The following NSF variants were observed in gnomAD, a reference collection of about 807,000 sequenced individuals.
NSF encodes N-ethylmaleimide sensitive factor, vesicle fusing ATPase, also known as vesicle-fusing ATPase.
In NSF, 14 loss-of-function variants were observed where a neutral mutation model predicts 50.3. The observed-to-expected ratio is 0.28, with a 90% CI of 0.18 to 0.44. NSF has a LOEUF of 0.44. NSF is among the 20% of genes least tolerant of loss of function. NSF has a pLI of 1.00. For synonymous variants in NSF, 109 were observed against 175.7 expected, an observed-to-expected ratio of 0.62 and a Z score of 3.00; for missense variants, 218 against 504.3, an observed-to-expected ratio of 0.43 and a Z score of 5.44.
intron 17 of NSF, among the ~76,000 whole-genome samples, chr17:46,744,696 A>G (rs1478391132): frequency 6.6e-6 from 1 of 152,160 alleles, no homozygotes; most frequent in Non-Finnish European, 1.5e-5. Flanking sequence ...GGCAAGACCT[A>G]TGAAAGGGTG....
At chr17:46,743,914 C>T (rs2059102616) in intron 17 of NSF, among the ~76,000 whole-genome samples, 1 of 152,190 alleles carries the variant, frequency 6.6e-6, no homozygotes, top group Non-Finnish European at 1.5e-5. Flanking sequence ...CAGACAACTT[C>T]GTTTTCAGCC....
rs183052855 is a variant in NSF, at chr17:46,697,734, G to C, written c.1374+3072G>C. Among the ~76,000 whole-genome samples, 26 of 150,276 alleles carry C rather than the reference G, an allele frequency of 1.7e-4. 1 individual carries two copies. In the East Asian group the frequency reaches 5.0e-3, roughly 29 times the overall value. ...TTTTGAGACGGAGTCTCACTCTGTC[G>C]CCCAGGCTGGAGTGCAGTGGTGCAA... On this transcript the variant is annotated intron_variant, in intron 12 of 20. Transcript: ENST00000398238.
At chr17:46,648,666 GA>G (rs1216532170) in intron 8 of NSF, among the ~76,000 whole-genome samples, 1 of 60,950 alleles carries the variant, frequency 1.6e-5, no homozygotes, top group African/African-American at 1.4e-4. Flanking sequence ...ATCTTAAAAT[GA>G]TATAGCTCCA....
At chr17:46,739,292 A>T (rs2059042104) in intron 17 of NSF, among the ~76,000 whole-genome samples, 1 of 139,056 alleles carries the variant, frequency 7.2e-6, no homozygotes, top group Non-Finnish European at 1.5e-5. Context: ...AATCGCTTGA[A>T]CCCAGGAGGT....
chr17:46,754,459 A>G (rs1269499641), intron 19 of NSF, among the ~76,000 whole-genome samples: 2 of 152,244 alleles, frequency 1.3e-5, no homozygotes, highest in African/African-American at 4.8e-5. Context: ...CTTGGGAAAC[A>G]GACTCCTGCT....
chr17:46,610,015 TTC>T, intron 1 of NSF, among the ~76,000 whole-genome samples: 1 of 81,214 alleles, frequency 1.2e-5, no homozygotes, highest in Non-Finnish European at 2.9e-5. Context: ...CTCTCTTTCT[TTC>T]TTTCTTTCTT....
chr17:46,734,762 A>C (rs1442566905), intron 17 of NSF, among the ~76,000 whole-genome samples: 1 of 152,238 alleles, frequency 6.6e-6, no homozygotes, highest in African/African-American at 2.4e-5. Context: ...AATGTATCAA[A>C]AACAGTGAAA....
At chr17:46,707,930 G>A (rs2058672536) in intron 13 of NSF, among the ~76,000 whole-genome samples, 1 of 151,930 alleles carries the variant, frequency 6.6e-6, no homozygotes, top group Non-Finnish European at 1.5e-5. Flanking sequence ...CTACTCGGGA[G>A]GCTGAGACAT....
intron 15 of NSF, among the ~76,000 whole-genome samples, chr17:46,718,635 C>T (rs1321139244): frequency 6.6e-6 from 1 of 152,158 alleles, no homozygotes; most frequent in Non-Finnish European, 1.5e-5. Context: ...TATAACATGA[C>T]CGAGAATTTG....
At chr17:46,635,115 C>A (rs2058170556) in intron 4 of NSF, among the ~76,000 whole-genome samples, 1 of 112,830 alleles carries the variant, frequency 8.9e-6, no homozygotes, top group African/African-American at 3.5e-5. Flanking sequence ...CTCACTTACC[C>A]AATGTGACTT....
At chr17:46,755,676 A>G in intron 20 of NSF, 126 bp from the exon 21 acceptor site, 1 of 997,316 alleles carries the variant, frequency 1.0e-6, no homozygotes. Context: ...TCTAATAGCA[A>G]ATGCATAGTG....
intron 15 of NSF, among the ~76,000 whole-genome samples, chr17:46,716,478 T>C (rs1568042777): frequency 6.6e-6 from 1 of 152,100 alleles, no homozygotes; most frequent in Non-Finnish European, 1.5e-5. Context: ...AGGATGGTCT[T>C]GATCTCCTGA....
rs1408235221 is a variant in NSF at position 46,755,869 on chromosome 17, G to A, written c.*46G>A. On this transcript the variant is annotated 3_prime_UTR_variant, in exon 21 of 21. Coordinates refer to ENST00000398238, the MANE Select transcript of NSF (RefSeq NM_006178.4). ...ACAGTGACCAAGGGAAGTGACCAAG[G>A]TGAAGATGGCCTAGGATCTTCACTG... is the stretch of plus-strand genomic sequence containing the variant. 2 of 1,591,504 alleles carry A rather than the reference G, an allele frequency of 1.3e-6. No individual in the cohort carries two copies. The highest frequency in any genetic ancestry group is 1.7e-5 in the Admixed American group (1 of 58,982).
chr17:46,755,630 A>C lies in NSF; in HGVS notation c.2214-172A>C, dbSNP rs1022586546. On this transcript the variant is annotated intron_variant, in intron 20 of 20. Transcript: ENST00000398238. Reference sequence around the variant, plus strand: ...TTTATTGGAACCTGCTTTTACATGCATGGAGCTGTGACCATTTTCTTTTGT... The same window carrying C: ...TTTATTGGAACCTGCTTTTACATGCCTGGAGCTGTGACCATTTTCTTTTGT... 3 of 728,176 alleles carry C rather than the reference A, an allele frequency of 4.1e-6. No homozygotes were observed. In the African/African-American group the frequency reaches 5.3e-5, roughly 13 times the overall value. The allele number at this position is 728,176 out of a possible 1,614,324, so 45.1% of individuals were successfully genotyped here.
At chr17:46,737,996 G>A (rs922706607) in intron 17 of NSF, among the ~76,000 whole-genome samples, 1 of 151,658 alleles carries the variant, frequency 6.6e-6, no homozygotes, top group African/African-American at 2.4e-5. Context: ...GTGCAGTGAC[G>A]CAGTCTCAAT....
rs528540895 is a variant in NSF at position 46,722,917 on chromosome 17, C to T, written c.1762-3632C>T. Among the ~76,000 whole-genome samples, 52 of 152,272 alleles carry T rather than the reference C, an allele frequency of 3.4e-4. No individual in the cohort carries two copies. In the South Asian group the frequency reaches 3.5e-3, roughly 10 times the overall value. On this transcript the variant is annotated intron_variant, in intron 15 of 20. Coordinates refer to ENST00000398238, the MANE Select transcript of NSF (RefSeq NM_006178.4). ...AGAGCTTGCTGTGAGTGCACCTCTC[C>T]CTCTGATAGTAATTAGCACAGAGAC...
chr17:46,749,790 C>T lies in NSF; in HGVS notation c.1926C>T (p.Ile642=). The T allele has an allele frequency of 6.2e-7, 1 of 1,613,914 alleles. No homozygotes were observed. Among genetic ancestry groups the T allele is most frequent in the Non-Finnish European group, 8.5e-7 (1 of 1,179,872 alleles). ...KAPPQGRKLL[I]IGTTSRKDVL... Reference sequence around the variant, plus strand: ...ATGATCAGGGCCGCAAGCTTCTTATCATTGGGACCACTAGCCGCAAAGATG... The same window carrying T: ...ATGATCAGGGCCGCAAGCTTCTTATTATTGGGACCACTAGCCGCAAAGATG... Residue 642 remains isoleucine, a synonymous_variant, in exon 18 of 21, where the codon ATC becomes ATT. Transcript: ENST00000398238.
intron 17 of NSF, among the ~76,000 whole-genome samples, chr17:46,730,989 A>T (rs905744790): frequency 6.6e-6 from 1 of 152,114 alleles, no homozygotes; most frequent in Non-Finnish European, 1.5e-5. Context: ...GAGGTTAAGC[A>T]TAGAGTTACC....
intron 17 of NSF, among the ~76,000 whole-genome samples, chr17:46,743,138 G>A (rs2059093934): frequency 6.6e-6 from 1 of 152,154 alleles, no homozygotes; most frequent in Non-Finnish European, 1.5e-5. Flanking sequence ...GGGCCTCACA[G>A]TAACCCTTGT....
Sources: gnomAD v4.1 joint callset for allele counts (sites outside exome capture counted in the v4.1 genomes callset) on GRCh38, gnomAD v4.1.1 for gene constraint, MANE v1.5 for transcripts, NCBI Gene and HGNC (gene_info 2026-07-23, HGNC 2026-07-21) for gene names.